The following GALK2 variants were observed in gnomAD, a reference collection of about 807,000 sequenced individuals.
GALK2 encodes galactokinase 2.
A neutral mutation model predicts 52.4 loss-of-function variants in GALK2; 36 were observed. The ratio of observed to expected loss-of-function variants is 0.69; its 90% CI spans 0.53 to 0.91. The LOEUF is 0.91. Ranked by LOEUF, GALK2 falls within the 40% of genes least tolerant of loss-of-function variation. The probability of loss-of-function intolerance (pLI) is 0.00; values close to 1 mark genes in which losing one functional copy is unlikely to be tolerated. For synonymous variants in GALK2, 176 were observed against 199.1 expected (o/e 0.88, Z 0.98); for missense variants, 579 against 559.1 (o/e 1.04, Z -0.36).
chr15:49,203,510 T>C (rs2919148), intron 2 of GALK2, among the ~76,000 whole-genome samples: 51,716 of 152,156 alleles, frequency 0.34, 9,384 homozygotes, highest in East Asian at 0.58. Flanking sequence ...TCCTTTGCTG[T>C]GCAGAAGCTT....
Position 49,253,222 on chromosome 15 carries a change from A to G in GALK2, c.504+13855A>G, listed in dbSNP as rs573229052. The stretch of plus-strand genomic sequence containing the variant: ...ATCTTCCTTGAGTTGAAAATACTCT[A>G]TAATCTCTCATTTCATTTTGAAGTA... On this transcript the variant is annotated intron_variant, in intron 5 of 9. Coordinates refer to ENST00000560031, the MANE Select transcript of GALK2 (RefSeq NM_002044.4). 2.4e-4 allele frequency among the ~76,000 whole-genome samples: 35 copies of G among 144,494 alleles called. 3 individuals are homozygous for G. The highest frequency in any genetic ancestry group is 7.7e-4 in the African/African-American group (31 of 40,422). The allele number at this position is 144,494 out of a possible 152,430, so 94.8% of individuals were successfully genotyped here.
At position 49,328,014 on chromosome 15, in the gene GALK2, T is replaced by C. The variant is rs747078307; in HGVS notation, c.1232T>C (p.Met411Thr). The stretch of plus-strand genomic sequence containing the variant: ...GGATGGGGAGGCTGCACAGTATCAA[T>C]GGTACCTGCGGACAAGCTGCCCAGC... ...GAGWGGCTVSMVPADKLPSFL... is the reference protein window; with the variant it reads ...GAGWGGCTVSTVPADKLPSFL... Residue 411 changes from methionine (M) to threonine (T), a missense_variant, in exon 10 of 10, where the codon ATG becomes ACG. By Grantham distance (81) the Met-to-Thr change is moderately conservative (BLOSUM62 -1). Transcript: ENST00000560031. 5.0e-6 allele frequency: 8 copies of C among 1,613,890 alleles called. No individual in the cohort carries two copies. Among genetic ancestry groups the C allele is most frequent in the South Asian group, 1.1e-5 (1 of 91,082 alleles).
chr15:49,282,172 C>A, intron 6 of GALK2, 87 bp downstream of exon 6: 1 of 907,580 alleles, frequency 1.1e-6, no homozygotes, highest in Non-Finnish European at 1.8e-6. Flanking sequence ...CCCCAGGATG[C>A]TTGGTTATGG....
chr15:49,282,664 GT>G (rs1441198675), intron 6 of GALK2, among the ~76,000 whole-genome samples: 1 of 152,144 alleles, frequency 6.6e-6, no homozygotes, highest in East Asian at 1.9e-4. Context: ...CAGAGCAGAG[GT>G]TTTAGTTGTT....
intron 1 of GALK2, among the ~76,000 whole-genome samples, chr15:49,164,565 G>A (rs1411214714): frequency 6.6e-6 from 1 of 151,940 alleles, no homozygotes; most frequent in African/African-American, 2.4e-5. Context: ...TGGATCACCT[G>A]AGGTCAGGAG....
intron 2 of GALK2, among the ~76,000 whole-genome samples, chr15:49,214,434 G>A (rs1196305990): frequency 1.4e-5 from 2 of 147,290 alleles, no homozygotes; most frequent in South Asian, 2.2e-4. Context: ...GGGTTCAAGC[G>A]ATTCTCCTGC....
chr15:49,279,786 T>C (rs2032427130), intron 5 of GALK2, among the ~76,000 whole-genome samples: 1 of 152,254 alleles, frequency 6.6e-6, no homozygotes, highest in African/African-American at 2.4e-5. Context: ...CATCTGGGTA[T>C]GTTGTTTCTC....
At chr15:49,159,967 T>A (rs1168558225) in intron 1 of GALK2, among the ~76,000 whole-genome samples, 1 of 152,118 alleles carries the variant, frequency 6.6e-6, no homozygotes, top group Non-Finnish European at 1.5e-5. Flanking sequence ...ATCACATCAT[T>A]ATTACATATA....
chr15:49,322,882 G>A (rs1236368490), intron 9 of GALK2, among the ~76,000 whole-genome samples: 3 of 151,290 alleles, frequency 2.0e-5, no homozygotes, highest in Admixed American at 6.6e-5. Context: ...GCGTGAACCC[G>A]GGAGGCAGAG....
At chr15:49,256,552 A>T (rs1008275570) in intron 5 of GALK2, among the ~76,000 whole-genome samples, 1 of 152,200 alleles carries the variant, frequency 6.6e-6, no homozygotes, top group South Asian at 2.1e-4. Flanking sequence ...TTCCTCATCT[A>T]TAGGAGGCAG....
In GALK2 at chr15:49,354,898, CG is replaced by C. The variant is rs2042865368; in HGVS notation, c.427-12590del. 3.3e-5 allele frequency among the ~76,000 whole-genome samples: 5 copies of C among 151,806 alleles called. No homozygotes were observed. The South Asian group carries it at 1.0e-3, about 32-fold the overall frequency. The stretch of plus-strand genomic sequence containing the variant: ...CAGCATGCAGCTGGAGATCTGAGAA[CG>C]GGCAGACTGCCTCCTCAAGTGGGTC... On this transcript the variant is annotated intron_variant, in intron 3 of 3. Coordinates refer to the GALK2 transcript ENST00000558399.
intron 8 of GALK2, chr15:49,318,278 A>G (rs541944409): frequency 1.3e-5 from 2 of 152,212 alleles, no homozygotes; most frequent in African/African-American, 2.4e-5. Flanking sequence ...TGTAGCTGAA[A>G]TTACAGTGTC....
At chr15:49,192,618 C>G (rs1224149451) in intron 1 of GALK2, among the ~76,000 whole-genome samples, 1 of 150,152 alleles carries the variant, frequency 6.7e-6, no homozygotes, top group Non-Finnish European at 1.5e-5. Flanking sequence ...TGCCCAGTTC[C>G]CCTCTGAAAG....
At chr15:49,170,105 A>G (rs1224002620), upstream of GALK2, 1 of 1,090,488 alleles carries the variant, frequency 9.2e-7, no homozygotes, top group Non-Finnish European at 1.3e-6. Context: ...GCTGTACCTG[A>G]CTGCTGCTTG....
At chr15:49,170,076 A>G, upstream of GALK2, 1 of 733,342 alleles carries the variant, frequency 1.4e-6, no homozygotes, top group East Asian at 3.3e-5. Context: ...CCTCCCTGGG[A>G]GCTAAGAGCA....
intron 1 of GALK2, chr15:49,156,337 CGG>C: frequency 2.4e-6 from 1 of 409,142 alleles, no homozygotes; most frequent in Non-Finnish European, 4.6e-6. Context: ...ATGGGGGCTG[CGG>C]TGACTCGCGG....
intron 1 of GALK2, among the ~76,000 whole-genome samples, chr15:49,171,395 GT>G (rs2085086760): frequency 6.6e-6 from 1 of 151,846 alleles, no homozygotes; most frequent in African/African-American, 2.4e-5. Flanking sequence ...TGCCTTTGCT[GT>G]TTTCAGTTTT....
rs1595987890 is a variant in GALK2, at chr15:49,292,382, T to C, written c.812T>C (p.Val271Ala). The C allele has an allele frequency of 6.2e-7, 1 of 1,613,856 alleles. No homozygotes were observed. The highest frequency in any genetic ancestry group is 8.5e-7 in the Non-Finnish European group (1 of 1,179,960). ...GACAAAGTACTGAGGCTGGAGGAGG[T>C]GCAGGCTAAACTAGGGATTAGTCTA... ...QWDKVLRLEE[V>A]QAKLGISLEE... The change falls in exon 8 of 10, where the codon GTG (valine) becomes GCG (alanine). Residue 271 changes from valine (V) to alanine (A), a missense_variant. By Grantham distance (64) the Val-to-Ala change is moderately conservative. Coordinates refer to ENST00000560031, the MANE Select transcript of GALK2 (RefSeq NM_002044.4).
chr15:49,274,723 C>A (rs553537867), intron 5 of GALK2, among the ~76,000 whole-genome samples: 16 of 152,192 alleles, frequency 1.1e-4, no homozygotes, highest in African/African-American at 3.9e-4. Context: ...TCTTTATATC[C>A]TTATTCTGTG....
Sources: gnomAD v4.1 joint callset for allele counts (sites outside exome capture counted in the v4.1 genomes callset) on GRCh38, gnomAD v4.1.1 for gene constraint, MANE v1.5 for transcripts, NCBI Gene and HGNC (gene_info 2026-07-23, HGNC 2026-07-21) for gene names.